The following SLC35F1 variants were observed in gnomAD, a reference collection of about 807,000 sequenced individuals.
The protein encoded by SLC35F1 is solute carrier family 35 member F1.
A neutral mutation model predicts 48.7 loss-of-function variants in SLC35F1; 14 were observed. The ratio of observed to expected loss-of-function variants is 0.29; its 90% CI spans 0.19 to 0.45. The LOEUF (loss-of-function observed/expected upper bound fraction) is 0.45, where lower values mean the gene tolerates loss of function less well. Among genes scored for constraint, SLC35F1 ranks in the 20% least tolerant of loss-of-function variants. The pLI, the probability that SLC35F1 is intolerant of heterozygous loss-of-function variation, is 1.00. For synonymous variants in SLC35F1, 190 were observed against 202.2 expected (o/e 0.94, Z 0.51); for missense variants, 404 against 500.0 (o/e 0.81, Z 1.83).
intron 1 of SLC35F1, among the ~76,000 whole-genome samples, chr6:118,008,228 T>C (rs925692990): frequency 1.3e-5 from 2 of 151,820 alleles, no homozygotes; most frequent in Admixed American, 1.3e-4. Flanking sequence ...CCAAAATATG[T>C]ACAACTGTTA....
At chr6:118,277,132 C>G (rs1775927404) in intron 5 of SLC35F1, among the ~76,000 whole-genome samples, 1 of 152,194 alleles carries the variant, frequency 6.6e-6, no homozygotes, top group African/African-American at 2.4e-5. Flanking sequence ...AGAAAACACT[C>G]AATCAGAAAA....
At chr6:118,215,720 G>C (rs946114008) in intron 2 of SLC35F1, among the ~76,000 whole-genome samples, 2 of 152,170 alleles carry the variant, frequency 1.3e-5, no homozygotes, top group African/African-American at 4.8e-5. Context: ...TAACTTTGCA[G>C]CTTGTAGTTG....
chr6:118,112,310 T>G (rs186273155), intron 1 of SLC35F1, among the ~76,000 whole-genome samples: 38 of 152,178 alleles, frequency 2.5e-4, no homozygotes, highest in Admixed American at 2.2e-3. Context: ...GTAATAATAT[T>G]GATTCTTGCA....
chr6:117,994,713 A>G (rs530326209), intron 1 of SLC35F1, among the ~76,000 whole-genome samples: 52 of 152,318 alleles, frequency 3.4e-4, no homozygotes, highest in African/African-American at 1.2e-3. Flanking sequence ...TTAGCATAAA[A>G]TATTGTTGAC....
At chr6:118,005,919 A>G (rs759943820) in intron 1 of SLC35F1, among the ~76,000 whole-genome samples, 3 of 152,064 alleles carry the variant, frequency 2.0e-5, no homozygotes, top group Non-Finnish European at 4.4e-5. Flanking sequence ...ATCCCAGCCT[A>G]CCTTGGCACA....
chr6:118,074,856 C>T (rs1028355094), intron 1 of SLC35F1, among the ~76,000 whole-genome samples: 5 of 152,168 alleles, frequency 3.3e-5, no homozygotes, highest in Non-Finnish European at 7.3e-5. Context: ...ATTGCCCAGG[C>T]TGGTCTCTAA....
At chr6:118,148,002 A>C (rs577493090) in intron 1 of SLC35F1, among the ~76,000 whole-genome samples, 1 of 152,318 alleles carries the variant, frequency 6.6e-6, no homozygotes, top group South Asian at 2.1e-4. Context: ...CTTTCAGCAA[A>C]GAGCTTATAG....
At chr6:118,194,169 T>C (rs1774770469) in intron 2 of SLC35F1, among the ~76,000 whole-genome samples, 1 of 152,182 alleles carries the variant, frequency 6.6e-6, no homozygotes, top group African/African-American at 2.4e-5. Flanking sequence ...ATTGGATTAC[T>C]GGATTTAGAG....
intron 2 of SLC35F1, among the ~76,000 whole-genome samples, chr6:118,174,996 A>G (rs747341468): frequency 2.0e-5 from 3 of 152,130 alleles, no homozygotes; most frequent in Non-Finnish European, 4.4e-5. Flanking sequence ...AAGCACAGCC[A>G]AGATTGGAAC....
intron 1 of SLC35F1, among the ~76,000 whole-genome samples, chr6:117,949,381 T>C (rs1217431744): frequency 6.6e-6 from 1 of 152,208 alleles, no homozygotes; most frequent in Non-Finnish European, 1.5e-5. Flanking sequence ...TACAAGTTAT[T>C]GTTTATTCCT....
intron 1 of SLC35F1, among the ~76,000 whole-genome samples, chr6:118,067,824 C>T (rs1474857451): frequency 6.6e-6 from 1 of 152,068 alleles, no homozygotes; most frequent in African/African-American, 2.4e-5. Flanking sequence ...AAACAGACTG[C>T]TGTGCCCCAC....
chr6:118,196,596 A>G (rs980756244), intron 2 of SLC35F1, among the ~76,000 whole-genome samples: 1 of 151,930 alleles, frequency 6.6e-6, no homozygotes, highest in African/African-American at 2.4e-5. Context: ...GACACCTATA[A>G]TCCTAGCTGC....
At chr6:118,191,487 C>G (rs1167732932) in intron 2 of SLC35F1, among the ~76,000 whole-genome samples, 1 of 152,190 alleles carries the variant, frequency 6.6e-6, no homozygotes, top group Non-Finnish European at 1.5e-5. Flanking sequence ...CCCTGGTTAG[C>G]TTTACCTTAA....
At position 117,999,547 on chromosome 6, in the gene SLC35F1, G is replaced by A. The variant is rs1777056822; in HGVS notation, c.173+91648G>A. On this transcript the variant is annotated intron_variant, in intron 1 of 7. Coordinates refer to ENST00000360388, the MANE Select transcript of SLC35F1 (RefSeq NM_001029858.4). ...GGGCTGGGGTCCTCCTGTGCTATTTGTACAAATAAACCTGAGGCAGGAAAA... is the reference window on the plus strand; with the variant it reads ...GGGCTGGGGTCCTCCTGTGCTATTTATACAAATAAACCTGAGGCAGGAAAA... 17 of 636,212 alleles carry A rather than the reference G, an allele frequency of 2.7e-5. No homozygotes were observed. The South Asian group carries it at 4.4e-4, about 16-fold the overall frequency. The allele number at this position is 636,212 out of a possible 1,614,324, so 39.4% of individuals were successfully genotyped here.
chr6:118,217,620 A>G (rs949244882), intron 2 of SLC35F1, among the ~76,000 whole-genome samples: 1 of 152,118 alleles, frequency 6.6e-6, no homozygotes. Flanking sequence ...TAGATGGTAA[A>G]TGTTACGCTG....
At chr6:118,303,870 C>T (rs1222295341) in intron 7 of SLC35F1, among the ~76,000 whole-genome samples, 1 of 152,170 alleles carries the variant, frequency 6.6e-6, no homozygotes, top group Non-Finnish European at 1.5e-5. Flanking sequence ...GCCCTGTCTC[C>T]AAGTACAACC....
chr6:118,292,634 G>A lies in SLC35F1; in HGVS notation c.1002+7296G>A, dbSNP rs533464979. 3.2e-4 allele frequency among the ~76,000 whole-genome samples: 48 copies of A among 151,862 alleles called. 1 individual carries two copies. The highest frequency in any genetic ancestry group is 9.7e-4 in the African/African-American group (40 of 41,450). On this transcript the variant is annotated intron_variant, in intron 7 of 7. Coordinates refer to ENST00000360388, the MANE Select transcript of SLC35F1 (RefSeq NM_001029858.4). ...TTTTTCACAGATGTTGCTTATCCAC[G>A]CAGAACTAAATGACTAAATGAAGCT...
chr6:117,979,355 G>A (rs2114848923), intron 1 of SLC35F1, among the ~76,000 whole-genome samples: 1 of 152,286 alleles, frequency 6.6e-6, no homozygotes, highest in African/African-American at 2.4e-5. Context: ...TGAGTCAGAG[G>A]CTAGTTTCTG....
chr6:118,068,072 A>G (rs1343759200), intron 1 of SLC35F1, among the ~76,000 whole-genome samples: 1 of 152,102 alleles, frequency 6.6e-6, no homozygotes, highest in Admixed American at 6.5e-5. Flanking sequence ...AGGGGAGGAG[A>G]AGAAGGTTCT....
Sources: allele counts gnomAD v4.1 joint callset (sites outside exome capture counted in the v4.1 genomes callset), GRCh38; gene constraint gnomAD v4.1.1; transcripts MANE v1.5; gene names NCBI Gene and HGNC (gene_info 2026-07-23, HGNC 2026-07-21).